AGO3: variants seen among roughly 807,000 people sequenced by gnomAD.
AGO3 encodes protein argonaute-3.
Under a neutral mutation model 105.5 loss-of-function variants are expected in AGO3, and 16 were observed. The observed-to-expected ratio is 0.15, with a 90% CI of 0.10 to 0.23. The LOEUF (loss-of-function observed/expected upper bound fraction) is 0.23. Ranked by LOEUF, AGO3 falls within the 10% of genes least tolerant of loss-of-function variation. The pLI, the probability that AGO3 is intolerant of heterozygous loss-of-function variation, is 1.00. For missense variants in AGO3, 534 were observed against 1,088.0 expected, an observed-to-expected ratio of 0.49 and a Z score of 7.16; for synonymous variants, 340 against 367.3, an observed-to-expected ratio of 0.93 and a Z score of 0.85.
intron 2 of AGO3, among the ~76,000 whole-genome samples, chr1:35,957,697 G>T (rs569404962): frequency 1.3e-5 from 2 of 152,180 alleles, no homozygotes; most frequent in African/African-American, 4.8e-5. Context: ...CTGCACTCCA[G>T]CCTGGGCAAC....
chr1:36,068,724 C>G lies in AGO3; in HGVS notation c.*12979C>G, dbSNP rs115298849. 6.6e-4 allele frequency: 100 copies of G among 152,242 alleles called. No homozygotes were observed. The highest frequency in any genetic ancestry group is 2.4e-3 in the African/African-American group (98 of 41,550). 9.4% of individuals were successfully genotyped at this position (152,242 alleles called of 1,614,324 possible). On this transcript the variant is annotated 3_prime_UTR_variant, in exon 19 of 19. Coordinates refer to ENST00000373191, the MANE Select transcript of AGO3 (RefSeq NM_024852.4). Reference sequence around the variant, plus strand: ...ATTAATACTTAACCTGTTCATTTCTCTTAATTTATGTATTTATTCTGACTT... The same window carrying G: ...ATTAATACTTAACCTGTTCATTTCTGTTAATTTATGTATTTATTCTGACTT...
chr1:36,015,578 C>T (rs548164161), intron 11 of AGO3, among the ~76,000 whole-genome samples: 6 of 152,144 alleles, frequency 3.9e-5, no homozygotes, highest in Non-Finnish European at 8.8e-5. Flanking sequence ...GGCTACCAGC[C>T]GTTAGGCAAT....
intron 5 of AGO3, among the ~76,000 whole-genome samples, chr1:36,000,389 GTCAATAGTAAAATGAT>G (rs1360889289): frequency 6.6e-6 from 1 of 151,950 alleles, no homozygotes; most frequent in African/African-American, 2.4e-5. Context: ...AGAGAAGATG[GTCAATAGTAAAATGAT>G]TCAGAGTGTA....
chr1:35,944,371 G>T (rs1646318376), intron 1 of AGO3, among the ~76,000 whole-genome samples: 1 of 151,830 alleles, frequency 6.6e-6, no homozygotes, highest in Non-Finnish European at 1.5e-5. Context: ...TAGTGTATCA[G>T]TAAGTTTTAT....
At chr1:35,995,209 A>AAAATATAT (rs1237315557) in intron 5 of AGO3, among the ~76,000 whole-genome samples, 86 of 114,726 alleles carry the variant, frequency 7.5e-4, no homozygotes, top group African/African-American at 2.7e-3. Flanking sequence ...TAAAAAAAAA[A>AAAATATAT]ATATATATAT....
At chr1:36,006,999 A>G (rs1473537847) in intron 6 of AGO3, among the ~76,000 whole-genome samples, 3 of 152,210 alleles carry the variant, frequency 2.0e-5, no homozygotes, top group African/African-American at 7.2e-5. Context: ...TTTGGGCTGG[A>G]TAATTCTTTG....
intron 5 of AGO3, among the ~76,000 whole-genome samples, chr1:35,993,815 T>A (rs996699624): frequency 1.4e-5 from 2 of 139,106 alleles, no homozygotes; most frequent in Non-Finnish European, 3.1e-5. Context: ...TGGTGAGATC[T>A]CTGCTCACTG....
rs762936510 is a variant in AGO3, at chr1:36,055,045, G to A, written c.2374G>A (p.Val792Ile). 3.7e-6 allele frequency: 6 copies of A among 1,613,976 alleles called. No individual in the cohort carries two copies. The highest frequency in any genetic ancestry group is 5.1e-6 in the Non-Finnish European group (6 of 1,180,018). Residue 792 changes from valine to isoleucine, a missense_variant, in exon 18 of 19, where the codon GTA becomes ATA. Coordinates refer to ENST00000373191, the MANE Select transcript of AGO3 (RefSeq NM_024852.4). The surrounding 1 kb of genome is among the most constrained non-coding windows in gnomAD (Gnocchi z 4.4). Reference protein sequence around the residue: ...LLTYQLCHTYVRCTRSVSIPA... With the variant: ...LLTYQLCHTYIRCTRSVSIPA... ...AACTTACCAGCTCTGCCACACTTAC[G>A]TACGCTGTACACGATCTGTTTCTAT...
At position 36,055,960 on chromosome 1, in the gene AGO3, C is replaced by G; in HGVS notation, c.*215C>G. 2.1e-6 allele frequency: 1 copy of G among 479,524 alleles called. No homozygotes were observed. Among genetic ancestry groups the G allele is most frequent in the Non-Finnish European group, 3.7e-6 (1 of 269,598 alleles). The allele number at this position is 479,524 out of a possible 1,614,324, so 29.7% of individuals were successfully genotyped here. On this transcript the variant is annotated 3_prime_UTR_variant, in exon 19 of 19. Coordinates refer to ENST00000373191, the MANE Select transcript of AGO3 (RefSeq NM_024852.4). The surrounding 1 kb of genome is among the most constrained non-coding windows in gnomAD (Gnocchi z 4.4). ...TATGCAATATGAAACCAGCCAACTG[C>G]TTTTTGTGCGGTCTCCTATAGGAAG...
intron 2 of AGO3, among the ~76,000 whole-genome samples, chr1:35,952,829 A>G (rs759210770): frequency 6.6e-6 from 1 of 152,230 alleles, no homozygotes; most frequent in Non-Finnish European, 1.5e-5. Context: ...TGTTCACACA[A>G]CAAAATGATA....
chr1:35,984,163 G>A (rs1455279604), intron 5 of AGO3, among the ~76,000 whole-genome samples: 2 of 152,046 alleles, frequency 1.3e-5, no homozygotes. Context: ...AGCCAAGAGG[G>A]GAAACATATC....
intron 5 of AGO3, among the ~76,000 whole-genome samples, chr1:35,980,257 A>G (rs1019861956): frequency 1.3e-5 from 2 of 151,952 alleles, no homozygotes; most frequent in African/African-American, 4.8e-5. Context: ...TTATTCTGTC[A>G]TGTTGCTTAA....
chr1:35,932,910 G>A (rs1486560526), intron 1 of AGO3, among the ~76,000 whole-genome samples: 1 of 152,142 alleles, frequency 6.6e-6, no homozygotes, highest in Admixed American at 6.5e-5. Flanking sequence ...TTTCAAAAAA[G>A]TTTTTAAAGT....
chr1:35,959,430 C>G (rs910353097), intron 2 of AGO3, among the ~76,000 whole-genome samples: 1 of 152,134 alleles, frequency 6.6e-6, no homozygotes, highest in Admixed American at 6.6e-5. Flanking sequence ...TGCAAGAATT[C>G]TTTTCTTCTC....
intron 5 of AGO3, among the ~76,000 whole-genome samples, chr1:35,994,298 A>G (rs1648057507): frequency 6.6e-6 from 1 of 152,020 alleles, no homozygotes; most frequent in African/African-American, 2.4e-5. Flanking sequence ...CCTGACAAAG[A>G]CAATATAATC....
intron 12 of AGO3, among the ~76,000 whole-genome samples, chr1:36,029,248 G>T (rs376861879): frequency 6.6e-6 from 1 of 151,972 alleles, no homozygotes; most frequent in Non-Finnish European, 1.5e-5. Context: ...TCATTGAATC[G>T]TAGAAAAATA....
intron 2 of AGO3, among the ~76,000 whole-genome samples, chr1:35,963,090 C>A (rs536123814): frequency 6.6e-6 from 1 of 152,316 alleles, no homozygotes; most frequent in Non-Finnish European, 1.5e-5. Context: ...GGCAGTACAT[C>A]ATTTACTTGA....
Position 35,931,198 on chromosome 1 carries a change from G to A in AGO3, c.-229G>A, listed in dbSNP as rs962097226. The A allele has an allele frequency of 2.5e-6, 1 of 402,470 alleles. No individual in the cohort carries two copies. The highest frequency in any genetic ancestry group is 4.4e-6 in the Non-Finnish European group (1 of 227,454). The allele number at this position is 402,470 out of a possible 1,614,324, so 24.9% of individuals were successfully genotyped here. On this transcript the variant is annotated 5_prime_UTR_variant, in exon 1 of 19. Transcript: ENST00000373191. The stretch of plus-strand genomic sequence containing the variant: ...TTCCGGACGGGACTCCCCTCTGTCC[G>A]CGCCTCACATCTCCCCTTCCTCTCG...
At position 36,027,110 on chromosome 1, in the gene AGO3, C is replaced by A; in HGVS notation, c.1407-4C>A. 1.9e-6 allele frequency: 3 copies of A among 1,610,162 alleles called. No homozygotes were observed. Among genetic ancestry groups the A allele is most frequent in the Non-Finnish European group, 2.5e-6 (3 of 1,178,254 alleles). On this transcript the variant is annotated splice_region_variant and splice_polypyrimidine_tract_variant and intron_variant, in intron 11 of 18. Transcript: ENST00000373191. This position sits in a 1 kb window ranked among gnomAD's most constrained non-coding sequence, Gnocchi z 4.0. ...GTTTTATATTTAGTGGTTTCTCCTTCCAGGGGTTTCACAGACCAGCTGCGT... is the reference window on the plus strand; with the variant it reads ...GTTTTATATTTAGTGGTTTCTCCTTACAGGGGTTTCACAGACCAGCTGCGT...
Sources: gnomAD v4.1 joint callset for allele counts (sites outside exome capture counted in the v4.1 genomes callset) on GRCh38, gnomAD v4.1.1 for gene constraint, Gnocchi (gnomAD v3.1) non-coding constraint, MANE v1.5 for transcripts, NCBI Gene and HGNC (gene_info 2026-07-23, HGNC 2026-07-21) for gene names.